GABRB1: variants seen among roughly 807,000 people sequenced by gnomAD.
The protein encoded by GABRB1 is gamma-aminobutyric acid receptor subunit beta-1.
A neutral mutation model predicts 51.6 loss-of-function variants in GABRB1; 17 were observed. The observed-to-expected ratio is 0.33, with a 90% confidence interval of 0.23 to 0.49. GABRB1 has a LOEUF of 0.49. Ranked by LOEUF, GABRB1 falls within the 20% of genes least tolerant of loss-of-function variation. The probability of loss-of-function intolerance (pLI) is 0.99; values close to 1 mark genes in which losing one functional copy is unlikely to be tolerated. For missense variants in GABRB1, 410 were observed against 600.6 expected (o/e 0.68, Z 3.32); for synonymous variants, 247 against 218.9 (o/e 1.13, Z -1.14).
intron 4 of GABRB1, among the ~76,000 whole-genome samples, chr4:47,266,127 G>A (rs1385422406): frequency 6.6e-6 from 1 of 152,068 alleles, no homozygotes; most frequent in Non-Finnish European, 1.5e-5. Context: ...TATACTGAGA[G>A]ATATGAGAGC....
At chr4:47,148,344 G>T (rs114415437) in intron 3 of GABRB1, among the ~76,000 whole-genome samples, 3,080 of 152,068 alleles carry the variant, frequency 0.02, 60 homozygotes, top group Non-Finnish European at 0.034. Flanking sequence ...GCTTGGTGGT[G>T]CTGGGTCATA....
intron 4 of GABRB1, among the ~76,000 whole-genome samples, chr4:47,269,738 A>C (rs1246019681): frequency 6.6e-6 from 1 of 151,960 alleles, no homozygotes; most frequent in African/African-American, 2.4e-5. Flanking sequence ...ATGATACACT[A>C]TGTACATGTA....
chr4:47,387,161 T>A (rs1253333148), intron 5 of GABRB1, among the ~76,000 whole-genome samples: 1 of 152,078 alleles, frequency 6.6e-6, no homozygotes. Flanking sequence ...GTTGAGCAAA[T>A]CAGCATCCAG....
chr4:46,996,157 G>A (rs1723989936), intron 1 of GABRB1, among the ~76,000 whole-genome samples: 1 of 149,222 alleles, frequency 6.7e-6, no homozygotes, highest in Non-Finnish European at 1.5e-5. Flanking sequence ...TGTTTCCCAT[G>A]TAAACTCCTA....
intron 1 of GABRB1, among the ~76,000 whole-genome samples, chr4:46,999,773 A>G (rs11729000): frequency 0.092 from 14,034 of 152,290 alleles, 736 homozygotes; most frequent in South Asian, 0.19. Context: ...TGCCAATATG[A>G]CTGTTGAAAT....
intron 4 of GABRB1, among the ~76,000 whole-genome samples, chr4:47,262,918 T>A (rs944991873): frequency 6.6e-6 from 1 of 151,524 alleles, no homozygotes; most frequent in African/African-American, 2.4e-5. Flanking sequence ...CTGGAAACCA[T>A]CATTCTCAGC....
At position 47,047,018 on chromosome 4, in the gene GABRB1, A is replaced by G. The variant is rs1577857317; in HGVS notation, c.240+14534A>G. 2.0e-5 allele frequency among the ~76,000 whole-genome samples: 3 copies of G among 152,202 alleles called. No individual in the cohort carries two copies. In the South Asian group the frequency reaches 6.2e-4, roughly 32 times the overall value. ...GCTGGAGGGTGGCAGGAGGGAGAGGATCAGAAAAAACAACTAATGGGTACT... is the reference window on the plus strand; with the variant it reads ...GCTGGAGGGTGGCAGGAGGGAGAGGGTCAGAAAAAACAACTAATGGGTACT... On this transcript the variant is annotated intron_variant, in intron 3 of 8. Coordinates refer to ENST00000295454, the MANE Select transcript of GABRB1 (RefSeq NM_000812.4).
At chr4:47,105,021 C>T (rs1371488611) in intron 3 of GABRB1, among the ~76,000 whole-genome samples, 1 of 151,932 alleles carries the variant, frequency 6.6e-6, no homozygotes, top group Non-Finnish European at 1.5e-5. Flanking sequence ...GAAATGGAGA[C>T]ATCTTAGGTA....
At chr4:47,420,823 G>A (rs879370456) in intron 8 of GABRB1, among the ~76,000 whole-genome samples, 2 of 152,160 alleles carry the variant, frequency 1.3e-5, no homozygotes, top group Admixed American at 6.5e-5. Flanking sequence ...CAAGAAACTT[G>A]TGGATGTCAG....
intron 3 of GABRB1, among the ~76,000 whole-genome samples, chr4:47,139,838 C>T (rs1265621929): frequency 2.6e-5 from 4 of 151,782 alleles, no homozygotes; most frequent in Non-Finnish European, 5.9e-5. Flanking sequence ...CAACAAGCTC[C>T]GACGTTACGT....
intron 4 of GABRB1, among the ~76,000 whole-genome samples, chr4:47,180,437 C>T (rs1379072486): frequency 6.6e-6 from 1 of 151,990 alleles, no homozygotes; most frequent in Non-Finnish European, 1.5e-5. Flanking sequence ...ACAAGGCATT[C>T]ACATCACAAG....
At chr4:47,117,870 GTGTC>G (rs962612534) in intron 3 of GABRB1, among the ~76,000 whole-genome samples, 1 of 152,114 alleles carries the variant, frequency 6.6e-6, no homozygotes, top group Non-Finnish European at 1.5e-5. Flanking sequence ...TTTAAATAAA[GTGTC>G]TGGTACACAA....
chr4:47,000,521 A>G (rs373857858), intron 1 of GABRB1, among the ~76,000 whole-genome samples: 2 of 152,236 alleles, frequency 1.3e-5, no homozygotes, highest in Non-Finnish European at 2.9e-5. Context: ...CACAGTGCAC[A>G]TAGTTTGACT....
At chr4:47,006,329 A>G (rs1014255262) in intron 1 of GABRB1, among the ~76,000 whole-genome samples, 3 of 152,094 alleles carry the variant, frequency 2.0e-5, no homozygotes, top group Non-Finnish European at 4.4e-5. Flanking sequence ...AAATAATACT[A>G]TACATATATA....
intron 3 of GABRB1, among the ~76,000 whole-genome samples, chr4:47,138,439 G>T (rs1716771255): frequency 6.6e-6 from 1 of 151,956 alleles, no homozygotes; most frequent in South Asian, 2.1e-4. Flanking sequence ...TTCTGATGGG[G>T]GCTGACACTA....
intron 5 of GABRB1, among the ~76,000 whole-genome samples, chr4:47,376,065 A>T (rs955418780): frequency 6.6e-6 from 1 of 152,212 alleles, no homozygotes; most frequent in Non-Finnish European, 1.5e-5. Context: ...TCTGTCCTGG[A>T]ACCAAAACTT....
intron 5 of GABRB1, among the ~76,000 whole-genome samples, chr4:47,324,849 C>T (rs1020342095): frequency 1.3e-5 from 2 of 152,160 alleles, no homozygotes; most frequent in Non-Finnish European, 2.9e-5. Context: ...TCTCACTATC[C>T]GACCATAATC....
chr4:47,058,361 T>A (rs191550456), intron 3 of GABRB1, among the ~76,000 whole-genome samples: 58 of 152,344 alleles, frequency 3.8e-4, no homozygotes, highest in African/African-American at 1.3e-3. Flanking sequence ...TTAAACAACC[T>A]GAATTCTCTC....
chr4:47,128,841 G>T (rs928699903), intron 3 of GABRB1, among the ~76,000 whole-genome samples: 2 of 151,684 alleles, frequency 1.3e-5, no homozygotes, highest in African/African-American at 2.4e-5. Context: ...CTCCTTTATT[G>T]CTTTCAGTCT....
Sources: gnomAD v4.1 joint callset for allele counts (sites outside exome capture counted in the v4.1 genomes callset) on GRCh38, gnomAD v4.1.1 for gene constraint, MANE v1.5 for transcripts, NCBI Gene and HGNC (gene_info 2026-07-23, HGNC 2026-07-21) for gene names.